SYNE1: variants seen among roughly 807,000 people sequenced by gnomAD.
The protein encoded by SYNE1 is nesprin-1.
SYNE1 carries 616 observed loss-of-function variants against 1,111.0 expected under a neutral mutation model. That is an observed-to-expected ratio of 0.55 (90% CI 0.52 to 0.59). SYNE1 has a LOEUF of 0.59. Ranked by LOEUF, SYNE1 falls within the 20% of genes least tolerant of loss-of-function variation. SYNE1 has a pLI of 0.00. For synonymous variants in SYNE1, 3,855 were observed against 3,825.8 expected, an observed-to-expected ratio of 1.01 and a Z score of -0.28; for missense variants, 10,006 against 10,417.0, an observed-to-expected ratio of 0.96 and a Z score of 1.72.
At chr6:152,584,894 T>G (rs1362883942) in intron 3 of SYNE1, among the ~76,000 whole-genome samples, 1 of 152,242 alleles carries the variant, frequency 6.6e-6, no homozygotes, top group African/African-American at 2.4e-5. Flanking sequence ...ATGGTATGAA[T>G]GCATTTTTCT....
intron 15 of SYNE1, chr6:152,472,031 A>G: frequency 1.7e-6 from 1 of 592,370 alleles, no homozygotes. Flanking sequence ...AATATTACAT[A>G]ATGTTCCTTA....
intron 3 of SYNE1, among the ~76,000 whole-genome samples, chr6:152,565,934 C>T (rs1022284064): frequency 6.6e-6 from 1 of 152,182 alleles, no homozygotes; most frequent in Non-Finnish European, 1.5e-5. Flanking sequence ...ATTTACTGCA[C>T]ACAAATTATG....
chr6:152,163,134 G>A (rs2062865326), intron 131 of SYNE1, among the ~76,000 whole-genome samples: 1 of 152,190 alleles, frequency 6.6e-6, no homozygotes, highest in South Asian at 2.1e-4. Context: ...AATGCATGGA[G>A]TAACAATACC....
At chr6:152,510,496 A>C in intron 7 of SYNE1, 125 bp from the exon 8 acceptor site, 1 of 1,105,104 alleles carries the variant, frequency 9.0e-7, no homozygotes, top group Non-Finnish European at 1.3e-6. Context: ...ACAAAATGCA[A>C]GCTCTTAAAG....
chr6:152,235,321 A>G (rs1039626772), intron 110 of SYNE1, among the ~76,000 whole-genome samples: 1 of 152,134 alleles, frequency 6.6e-6, no homozygotes, highest in African/African-American at 2.4e-5. Flanking sequence ...TTCTAATTAT[A>G]TGTTTATATG....
chr6:152,490,855 C>G (rs2098966570), intron 11 of SYNE1, among the ~76,000 whole-genome samples: 1 of 152,162 alleles, frequency 6.6e-6, no homozygotes, highest in Non-Finnish European at 1.5e-5. Context: ...CAGGCCAGCC[C>G]AAGGAACATC....
intron 5 of SYNE1, among the ~76,000 whole-genome samples, chr6:152,524,032 C>T (rs531319959): frequency 1.2e-4 from 18 of 152,196 alleles, no homozygotes; most frequent in African/African-American, 3.9e-4. Context: ...AATTTGGATG[C>T]CCCTTATTTC....
At chr6:152,583,927 T>C (rs1373211069) in intron 3 of SYNE1, among the ~76,000 whole-genome samples, 2 of 152,262 alleles carry the variant, frequency 1.3e-5, no homozygotes, top group East Asian at 1.9e-4. Context: ...AAACTAGATA[T>C]AGCCACACAA....
rs923717422 is a variant in SYNE1 at position 152,224,604 on chromosome 6, C to T, written c.21412G>A (p.Ala7138Thr). 2 of 1,613,908 alleles carry T rather than the reference C, an allele frequency of 1.2e-6. No individual in the cohort carries two copies. The highest frequency in any genetic ancestry group is 2.7e-5 in the African/African-American group (2 of 74,986). ...VLDQWSSHKV[A>T]FDKINSYLME... is the part of the protein sequence containing the mutation. The stretch of plus-strand genomic sequence containing the variant: ...AGGTAACTGTTTATCTTGTCAAAGG[C>T]CACTTTGTGACTACTCCATTGGTCA... The change falls in exon 117 of 146, where the codon GCC (alanine) becomes ACC (threonine). Residue 7138 changes from alanine to threonine, a missense_variant. By Grantham distance (58) the Ala-to-Thr change is moderately conservative. Transcript: ENST00000367255.
intron 3 of SYNE1, among the ~76,000 whole-genome samples, chr6:152,549,462 G>A (rs1269922611): frequency 6.6e-6 from 1 of 152,192 alleles, no homozygotes; most frequent in African/African-American, 2.4e-5. Context: ...GGCGGTGGGA[G>A]TGGAGGGGTC....
At chr6:152,222,144 G>A (rs1001605672) in intron 117 of SYNE1, among the ~76,000 whole-genome samples, 2 of 152,238 alleles carry the variant, frequency 1.3e-5, no homozygotes, top group African/African-American at 4.8e-5. Flanking sequence ...CTAGCCAACA[G>A]GGGAAGGATG....
chr6:152,629,359 C>A (rs897715940), intron 2 of SYNE1, among the ~76,000 whole-genome samples: 1 of 151,878 alleles, frequency 6.6e-6, no homozygotes, highest in African/African-American at 2.4e-5. Context: ...CGTATACCAC[C>A]ACGCCTGGCT....
At chr6:152,281,291 T>A (rs1021521138) in intron 97 of SYNE1, among the ~76,000 whole-genome samples, 6 of 152,166 alleles carry the variant, frequency 3.9e-5, no homozygotes, top group Non-Finnish European at 8.8e-5. Flanking sequence ...CTCCTCACAG[T>A]AATTCCTAGA....
At position 152,483,157 on chromosome 6, in the gene SYNE1, T is replaced by C. The variant is rs1277490931; in HGVS notation, c.1278A>G (p.Arg426=). The change falls in exon 14 of 146, where the codon AGA becomes AGG. Residue 426 remains arginine, a synonymous_variant. Coordinates refer to ENST00000367255, the MANE Select transcript of SYNE1 (RefSeq NM_182961.4). ...GGACCTGTTGAACGGTTATTTCCTC[T>C]CTCAGGGCCACCTCCGCTCTGTACA... ...AWLYRAEVAL[R]EEITVQQVHE... The C allele has an allele frequency of 1.2e-6, 2 of 1,614,210 alleles. No individual in the cohort carries two copies. Among genetic ancestry groups the C allele is most frequent in the South Asian group, 2.2e-5 (2 of 91,086 alleles).
At chr6:152,141,478 C>A (rs767042173) in intron 138 of SYNE1, 149 bp from the exon 139 acceptor site, 6 of 1,064,122 alleles carry the variant, frequency 5.6e-6, no homozygotes, top group Non-Finnish European at 8.4e-6. Flanking sequence ...CCAAGATGGC[C>A]GAGTGTGGTG....
At position 152,135,143 on chromosome 6, in the gene SYNE1, A is replaced by G; in HGVS notation, c.25749T>C (p.Leu8583=). ...KNEIVPIDSN[L]DAEILQDHHK... ...GATGGTCCTGAAGTATCTCTGCATC[A>G]AGGTTAGAATCAATAGGGACAATTT... Residue 8583 remains leucine, a synonymous_variant, in exon 142 of 146, where the codon CTT becomes CTC. Coordinates refer to ENST00000367255, the MANE Select transcript of SYNE1 (RefSeq NM_182961.4). The G allele has an allele frequency of 6.2e-7, 1 of 1,614,152 alleles. No individual in the cohort carries two copies. The highest frequency in any genetic ancestry group is 1.1e-5 in the South Asian group (1 of 91,082).
intron 127 of SYNE1, among the ~76,000 whole-genome samples, chr6:152,193,100 A>C (rs1026260978): frequency 6.6e-6 from 1 of 151,912 alleles, no homozygotes; most frequent in Non-Finnish European, 1.5e-5. Context: ...CTGCCATTTT[A>C]TTATTTGTTT....
intron 125 of SYNE1, among the ~76,000 whole-genome samples, chr6:152,207,607 C>T (rs1038455161): frequency 6.6e-6 from 1 of 152,182 alleles, no homozygotes; most frequent in African/African-American, 2.4e-5. Flanking sequence ...GACAGGGCTT[C>T]CTGTCTTCTT....
chr6:152,156,191 C>A, intron 131 of SYNE1, 94 bp from the exon 132 acceptor site: 1 of 1,285,638 alleles, frequency 7.8e-7, no homozygotes, highest in Middle Eastern at 1.9e-4. Flanking sequence ...CTAGGCTACA[C>A]CTTGACAAAT....
Sources: allele counts gnomAD v4.1 joint callset (sites outside exome capture counted in the v4.1 genomes callset), GRCh38; gene constraint gnomAD v4.1.1; transcripts MANE v1.5; gene names NCBI Gene and HGNC (gene_info 2026-07-23, HGNC 2026-07-21).